The following SMIM14 variants were observed in gnomAD, a reference collection of about 807,000 sequenced individuals.
SMIM14 encodes chromosome 4 open reading frame 34.
In SMIM14, 5 loss-of-function variants were observed where a neutral mutation model predicts 12.6. The ratio of observed to expected loss-of-function variants is 0.40; its 90% CI spans 0.21 to 0.83. The LOEUF (loss-of-function observed/expected upper bound fraction) is 0.83. Among genes scored for constraint, SMIM14 ranks in the 40% least tolerant of loss-of-function variants. The probability of loss-of-function intolerance (pLI) is 0.37; values close to 1 mark genes in which losing one functional copy is unlikely to be tolerated. For missense variants in SMIM14, 86 were observed against 119.1 expected (o/e 0.72, Z 1.29); for synonymous variants, 30 against 40.1 (o/e 0.75, Z 0.95).
Position 39,605,083 on chromosome 4 carries a change from T to C in SMIM14, c.63A>G (p.Arg21=), listed in dbSNP as rs1408727940. The change falls in exon 2 of 5, where the codon AGA becomes AGG. Residue 21 remains arginine (R), a synonymous_variant. Coordinates refer to ENST00000295958, the MANE Select transcript of SMIM14 (RefSeq NM_174921.3). ...TGTTGCATCTCACCAGATTGATCAG[T>C]CTTCTCATTGCATGTTCATGAGAGC... ...CVCSHEHAMR[R]LINLLRQSQS... is the part of the protein sequence containing the mutation. 1.9e-6 allele frequency: 3 copies of C among 1,604,730 alleles called. No individual in the cohort carries two copies. The Admixed American group carries it at 5.1e-5, about 27-fold the overall frequency.
At chr4:39,604,796 A>G (rs1714744032) in intron 2 of SMIM14, among the ~76,000 whole-genome samples, 1 of 151,948 alleles carries the variant, frequency 6.6e-6, no homozygotes, top group Non-Finnish European at 1.5e-5. Context: ...TTTTTAGTAG[A>G]GATGGGGTTT....
intron 3 of SMIM14, among the ~76,000 whole-genome samples, chr4:39,568,411 C>T (rs1712692331): frequency 6.6e-6 from 1 of 151,920 alleles, no homozygotes; most frequent in African/African-American, 2.4e-5. Context: ...TCTGATATCA[C>T]AATGATTAAA....
In SMIM14 at chr4:39,606,648, A is replaced by G. The variant is rs894334413; in HGVS notation, c.-35-1468T>C. ...GAGCAAGACTCCGTCTCAAAAAAAA[A>G]AAAAAAAAAAGACATTGAACATGAG... On this transcript the variant is annotated intron_variant, in intron 1 of 4. Coordinates refer to ENST00000295958, the MANE Select transcript of SMIM14 (RefSeq NM_174921.3). Among the ~76,000 whole-genome samples, 70 of 152,102 alleles carry G rather than the reference A, an allele frequency of 4.6e-4. 1 individual carries two copies. The highest frequency in any genetic ancestry group is 8.8e-5 in the Non-Finnish European group (6 of 67,970).
chr4:39,635,228 T>C (rs903951573), intron 1 of SMIM14, among the ~76,000 whole-genome samples: 2 of 151,930 alleles, frequency 1.3e-5, no homozygotes, highest in Non-Finnish European at 2.9e-5. Flanking sequence ...AAAATGCAAG[T>C]GGGATTAGAA....
intron 1 of SMIM14, chr4:39,621,180 A>G (rs1188659376): frequency 6.6e-6 from 1 of 152,138 alleles, no homozygotes; most frequent in Non-Finnish European, 1.5e-5. Flanking sequence ...TCAGGGAAGG[A>G]CCCCCTACAG....
chr4:39,618,336 C>A (rs1560306308), intron 1 of SMIM14, among the ~76,000 whole-genome samples: 1 of 152,158 alleles, frequency 6.6e-6, no homozygotes, highest in African/African-American at 2.4e-5. Flanking sequence ...GATGTGATCA[C>A]CACTCTCAAG....
chr4:39,601,072 A>G (rs1714592695), intron 2 of SMIM14, among the ~76,000 whole-genome samples: 1 of 152,198 alleles, frequency 6.6e-6, no homozygotes, highest in Non-Finnish European at 1.5e-5. Context: ...CATTATTTAT[A>G]GTAGTACATA....
chr4:39,554,038 A>G (rs1326908893), intron 4 of SMIM14, among the ~76,000 whole-genome samples: 2 of 152,172 alleles, frequency 1.3e-5, no homozygotes, highest in East Asian at 3.8e-4. Flanking sequence ...TTAACACTGC[A>G]CATTTGCTTT....
intron 2 of SMIM14, among the ~76,000 whole-genome samples, chr4:39,600,683 T>C (rs965536037): frequency 1.3e-4 from 19 of 147,994 alleles, no homozygotes; most frequent in African/African-American, 4.5e-4. Context: ...AGAGCGAAAC[T>C]CCATCTCAAG....
chr4:39,616,594 C>T (rs931052466), intron 1 of SMIM14, among the ~76,000 whole-genome samples: 5 of 148,950 alleles, frequency 3.4e-5, no homozygotes, highest in African/African-American at 1.2e-4. Context: ...TGTAACCTGA[C>T]TGTGAGCTTA....
chr4:39,588,745 TG>T (rs1256504101), intron 2 of SMIM14, among the ~76,000 whole-genome samples: 3 of 152,036 alleles, frequency 2.0e-5, no homozygotes, highest in Non-Finnish European at 4.4e-5. Flanking sequence ...AAGCTAAGTA[TG>T]GGGAAAGGAG....
chr4:39,586,376 A>G (rs1195680324), intron 2 of SMIM14, among the ~76,000 whole-genome samples: 1 of 151,890 alleles, frequency 6.6e-6, no homozygotes, highest in Non-Finnish European at 1.5e-5. Flanking sequence ...TCTACCTCCC[A>G]CCCAGAAAAC....
chr4:39,585,587 G>A (rs932218376), intron 2 of SMIM14, among the ~76,000 whole-genome samples: 17 of 151,964 alleles, frequency 1.1e-4, no homozygotes, highest in Non-Finnish European at 1.6e-4. Context: ...ATGAGCCACT[G>A]CGCCCAGCCT....
intron 2 of SMIM14, among the ~76,000 whole-genome samples, chr4:39,592,131 G>A (rs750580839): frequency 6.0e-4 from 92 of 152,202 alleles, no homozygotes; most frequent in Middle Eastern, 3.4e-3. Context: ...AGGAGTTCAA[G>A]GCTGCAGTGA....
At chr4:39,594,882 A>G (rs915670065) in intron 2 of SMIM14, among the ~76,000 whole-genome samples, 1 of 151,428 alleles carries the variant, frequency 6.6e-6, no homozygotes, top group African/African-American at 2.4e-5. Context: ...TAGAATGGCG[A>G]TCATTAAAAA....
At chr4:39,618,056 AAG>A (rs1715287359) in intron 1 of SMIM14, among the ~76,000 whole-genome samples, 1 of 152,186 alleles carries the variant, frequency 6.6e-6, no homozygotes, top group Admixed American at 6.6e-5. Flanking sequence ...GGAGAGAAGT[AAG>A]AGAGAATATT....
At chr4:39,617,548 G>A (rs1715269680) in intron 1 of SMIM14, among the ~76,000 whole-genome samples, 1 of 151,986 alleles carries the variant, frequency 6.6e-6, no homozygotes, top group South Asian at 2.1e-4. Context: ...TGAATTTGTT[G>A]GTTAAATATA....
intron 3 of SMIM14, among the ~76,000 whole-genome samples, chr4:39,566,133 G>A (rs950196528): frequency 6.6e-6 from 1 of 150,690 alleles, no homozygotes; most frequent in Non-Finnish European, 1.5e-5. Context: ...AGATGATGAT[G>A]GCCTAGAACA....
intron 2 of SMIM14, chr4:39,594,640 T>C (rs1424998803): frequency 8.1e-5 from 12 of 147,760 alleles, no homozygotes; most frequent in African/African-American, 3.0e-4. Flanking sequence ...GAGAAAATTT[T>C]TGCAACCTAC....
Sources: gnomAD v4.1 joint callset for allele counts (sites outside exome capture counted in the v4.1 genomes callset) on GRCh38, gnomAD v4.1.1 for gene constraint, MANE v1.5 for transcripts, NCBI Gene and HGNC (gene_info 2026-07-23, HGNC 2026-07-21) for gene names.